ARHGAP15: variants seen among roughly 807,000 people sequenced by gnomAD.
The protein encoded by ARHGAP15 is rho GTPase-activating protein 15.
ARHGAP15 carries 51 observed loss-of-function variants against 63.7 expected under a neutral mutation model. That is an observed-to-expected ratio of 0.80 (90% CI 0.64 to 1.01). The LOEUF is 1.01. Among genes scored for constraint, ARHGAP15 ranks in the 50% least tolerant of loss-of-function variants. The pLI, the probability that ARHGAP15 is intolerant of heterozygous loss-of-function variation, is 0.00. For missense variants in ARHGAP15, 560 were observed against 564.6 expected (o/e 0.99, Z 0.08); for synonymous variants, 191 against 193.8 (o/e 0.99, Z 0.12).
intron 11 of ARHGAP15, among the ~76,000 whole-genome samples, chr2:143,606,544 G>A (rs1698039772): frequency 6.6e-6 from 1 of 152,160 alleles, no homozygotes; most frequent in Admixed American, 6.5e-5. Context: ...TCATATCAGA[G>A]TAGTTAAAAG....
intron 6 of ARHGAP15, among the ~76,000 whole-genome samples, chr2:143,290,369 T>A (rs1451742332): frequency 6.6e-6 from 1 of 151,160 alleles, no homozygotes; most frequent in African/African-American, 2.4e-5. Context: ...GTTTAAGGGT[T>A]AAGGAAAATA....
intron 11 of ARHGAP15, among the ~76,000 whole-genome samples, chr2:143,586,674 AAT>A (rs1206722779): frequency 2.2e-5 from 3 of 137,486 alleles, no homozygotes; most frequent in African/African-American, 6.0e-5. Context: ...ATAATATGTA[AAT>A]ATTTTTTTTT....
At chr2:143,322,500 C>T (rs900536245) in intron 6 of ARHGAP15, among the ~76,000 whole-genome samples, 2 of 151,886 alleles carry the variant, frequency 1.3e-5, no homozygotes, top group Non-Finnish European at 2.9e-5. Context: ...GATGGATTTC[C>T]TACTAAATGT....
intron 6 of ARHGAP15, among the ~76,000 whole-genome samples, chr2:143,419,567 T>G (rs1194030254): frequency 6.6e-6 from 1 of 151,786 alleles, no homozygotes; most frequent in East Asian, 1.9e-4. Context: ...AATAATGCCA[T>G]GGAAAAGCCT....
chr2:143,353,253 T>G, intron 6 of ARHGAP15, among the ~76,000 whole-genome samples: 1 of 152,048 alleles, frequency 6.6e-6, no homozygotes, highest in African/African-American at 2.4e-5. Context: ...TCACACCACT[T>G]CACTCCAGCC....
chr2:143,693,285 T>A (rs896875903), intron 12 of ARHGAP15, among the ~76,000 whole-genome samples: 2 of 152,232 alleles, frequency 1.3e-5, no homozygotes, highest in African/African-American at 4.8e-5. Context: ...CTTTCAAATT[T>A]ACTGTTTGCT....
At chr2:143,744,297 A>G (rs1009104070) in intron 13 of ARHGAP15, among the ~76,000 whole-genome samples, 1 of 152,240 alleles carries the variant, frequency 6.6e-6, no homozygotes, top group Admixed American at 6.5e-5. Flanking sequence ...TCCAACATAA[A>G]CACTTGGCTA....
chr2:143,298,283 G>T (rs1456564657), intron 6 of ARHGAP15, among the ~76,000 whole-genome samples: 1 of 151,754 alleles, frequency 6.6e-6, no homozygotes, highest in African/African-American at 2.4e-5. Flanking sequence ...TGGTAAAAAA[G>T]GTAATGTTAG....
chr2:143,373,629 CAAAAAAAAAAAAAAAAAAAA>C (rs58153000), intron 6 of ARHGAP15, among the ~76,000 whole-genome samples: 1 of 62,954 alleles, frequency 1.6e-5, no homozygotes, highest in Non-Finnish European at 3.1e-5. Context: ...GACTCTATCT[CAAAAAAAAAAAAAAAAAAAA>C]AAAAAAAAAA....
At chr2:143,166,833 T>C (rs533760454) in intron 2 of ARHGAP15, among the ~76,000 whole-genome samples, 26 of 152,238 alleles carry the variant, frequency 1.7e-4, no homozygotes, top group Admixed American at 8.5e-4. Flanking sequence ...CTATGTCTTG[T>C]GTTTGGTGTA....
chr2:143,331,066 C>T (rs1312702133), intron 6 of ARHGAP15, among the ~76,000 whole-genome samples: 1 of 152,122 alleles, frequency 6.6e-6, no homozygotes, highest in East Asian at 1.9e-4. Flanking sequence ...GAAGTCATAC[C>T]TGCAGCAAGA....
At chr2:143,341,182 T>C (rs1685043176) in intron 6 of ARHGAP15, among the ~76,000 whole-genome samples, 1 of 152,058 alleles carries the variant, frequency 6.6e-6, no homozygotes, top group Non-Finnish European at 1.5e-5. Context: ...CTCTCCGGCA[T>C]CCCTTCTTTT....
chr2:143,209,699 G>A (rs1692493778), intron 3 of ARHGAP15, among the ~76,000 whole-genome samples: 2 of 152,016 alleles, frequency 1.3e-5, no homozygotes, highest in African/African-American at 4.8e-5. Context: ...TGTTGAAGCA[G>A]AAAGAAACAA....
chr2:143,378,941 A>G (rs1194087364), intron 6 of ARHGAP15, among the ~76,000 whole-genome samples: 1 of 152,082 alleles, frequency 6.6e-6, no homozygotes, highest in Non-Finnish European at 1.5e-5. Flanking sequence ...GTTACATGTG[A>G]TAAACCTTGG....
chr2:143,304,360 A>T (rs1374335231), intron 6 of ARHGAP15, among the ~76,000 whole-genome samples: 1 of 152,154 alleles, frequency 6.6e-6, no homozygotes, highest in Non-Finnish European at 1.5e-5. Flanking sequence ...AAGGACAAAA[A>T]ACCAAACACC....
intron 8 of ARHGAP15, among the ~76,000 whole-genome samples, chr2:143,480,986 T>C (rs1393273530): frequency 6.6e-6 from 1 of 152,132 alleles, no homozygotes; most frequent in African/African-American, 2.4e-5. Context: ...ATACAAGAAG[T>C]TTGTGTTGGA....
intron 4 of ARHGAP15, among the ~76,000 whole-genome samples, chr2:143,224,686 G>A (rs773652403): frequency 9.9e-5 from 15 of 152,244 alleles, no homozygotes; most frequent in East Asian, 1.9e-4. Context: ...ATTTGGTTGC[G>A]TATAGAAAAT....
intron 13 of ARHGAP15, among the ~76,000 whole-genome samples, chr2:143,722,207 G>A (rs942254343): frequency 6.0e-5 from 9 of 151,022 alleles, no homozygotes; most frequent in Admixed American, 5.3e-4. Context: ...ACACACACAC[G>A]GCAAGACCCA....
At chr2:143,450,263 G>T (rs142846456) in intron 8 of ARHGAP15, among the ~76,000 whole-genome samples, 1 of 150,536 alleles carries the variant, frequency 6.6e-6, no homozygotes, top group African/African-American at 2.4e-5. Flanking sequence ...ACGAAATCCA[G>T]AATTTTAGTC....
Sources: gnomAD v4.1 joint callset for allele counts (sites outside exome capture counted in the v4.1 genomes callset) on GRCh38, gnomAD v4.1.1 for gene constraint, MANE v1.5 for transcripts, NCBI Gene and HGNC (gene_info 2026-07-23, HGNC 2026-07-21) for gene names.